SLC6A11: variants seen among roughly 807,000 people sequenced by gnomAD.
The protein encoded by SLC6A11 is solute carrier family 6 member 11.
A neutral mutation model predicts 74.8 loss-of-function variants in SLC6A11; 25 were observed. The observed-to-expected ratio is 0.33, with a 90% CI of 0.24 to 0.47. SLC6A11 has a LOEUF of 0.47. Among genes scored for constraint, SLC6A11 ranks in the 20% least tolerant of loss-of-function variants. SLC6A11 has a pLI of 1.00. For synonymous variants in SLC6A11, 330 were observed against 330.2 expected (o/e 1.00, Z 0.01); for missense variants, 574 against 837.0 (o/e 0.69, Z 3.88).
intron 5 of SLC6A11, 21 bp from the exon 6 acceptor site, chr3:10,874,940 G>T (rs369209464): frequency 1.3e-6 from 2 of 1,588,930 alleles, no homozygotes; most frequent in African/African-American, 2.7e-5. Flanking sequence ...TCTTGATTCT[G>T]TCCTCTCCTC....
chr3:10,896,573 C>T lies in SLC6A11; in HGVS notation c.892-15517C>T, dbSNP rs897916248. Among the ~76,000 whole-genome samples, 6 of 152,304 alleles carry T rather than the reference C, an allele frequency of 3.9e-5. No individual in the cohort carries two copies. In the East Asian group the frequency reaches 9.7e-4, roughly 25 times the overall value. ...ACTTGCTCTTCTTTCTCTCTTGACC[C>T]GTGGAAAACTTCTACCTTACCCAGA... is the stretch of plus-strand genomic sequence containing the variant. On this transcript the variant is annotated intron_variant, in intron 6 of 13. Transcript: ENST00000254488.
At chr3:10,864,046 T>C (rs1400203894) in intron 5 of SLC6A11, among the ~76,000 whole-genome samples, 3 of 152,218 alleles carry the variant, frequency 2.0e-5, no homozygotes, top group East Asian at 3.9e-4. Context: ...ATCAAGGAAA[T>C]GATAAATGTC....
intron 8 of SLC6A11, among the ~76,000 whole-genome samples, chr3:10,923,668 A>T (rs1369715462): frequency 6.6e-6 from 1 of 152,228 alleles, no homozygotes; most frequent in Non-Finnish European, 1.5e-5. Context: ...ACCAATGGAT[A>T]CTAAAATCAG....
At chr3:10,817,672 C>T (rs1192198476) in intron 1 of SLC6A11, among the ~76,000 whole-genome samples, 2 of 152,226 alleles carry the variant, frequency 1.3e-5, no homozygotes, top group Non-Finnish European at 1.5e-5. Flanking sequence ...GCAGGACTTC[C>T]TGTGCGAGCA....
intron 6 of SLC6A11, among the ~76,000 whole-genome samples, chr3:10,888,846 G>C (rs1695074888): frequency 1.3e-5 from 2 of 152,332 alleles, no homozygotes; most frequent in Middle Eastern, 3.4e-3. Context: ...AATATTTGTT[G>C]AGTACCTACT....
At chr3:10,826,827 A>G (rs952828236) in intron 4 of SLC6A11, among the ~76,000 whole-genome samples, 7 of 152,208 alleles carry the variant, frequency 4.6e-5, no homozygotes, top group Non-Finnish European at 1.0e-4. Context: ...TGCAATATCC[A>G]TATTATCCAT....
At chr3:10,894,108 C>T (rs1254160604) in intron 6 of SLC6A11, among the ~76,000 whole-genome samples, 1 of 152,142 alleles carries the variant, frequency 6.6e-6, no homozygotes, top group Non-Finnish European at 1.5e-5. Context: ...AGGTTAGCCA[C>T]CCCTCCTGGT....
At chr3:10,929,489 CTAA>C in intron 10 of SLC6A11, 150 bp downstream of exon 10, 1 of 829,436 alleles carries the variant, frequency 1.2e-6, no homozygotes, top group Non-Finnish European at 1.9e-6. Flanking sequence ...TGGTGAGGAT[CTAA>C]TGGAAGTTCT....
chr3:10,878,703 G>T (rs952637539), intron 6 of SLC6A11, among the ~76,000 whole-genome samples: 1 of 151,594 alleles, frequency 6.6e-6, no homozygotes, highest in Non-Finnish European at 1.5e-5. Context: ...GTGATCCACC[G>T]TGCCTGGCCC....
Position 10,915,280 on chromosome 3 carries a change from G to A in SLC6A11, c.996-3049G>A, listed in dbSNP as rs1180373421. Among the ~76,000 whole-genome samples, 2 of 152,146 alleles carry A rather than the reference G, an allele frequency of 1.3e-5. No individual in the cohort carries two copies. The highest frequency in any genetic ancestry group is 2.9e-5 in the Non-Finnish European group (2 of 68,032). ...TTCATTCCCCACTGAGTGCGTGGAG[G>A]ATGTATGCTGTCAGCCATGGGTCCC... On this transcript the variant is annotated intron_variant, in intron 7 of 13. Coordinates refer to ENST00000254488, the MANE Select transcript of SLC6A11 (RefSeq NM_014229.3). The surrounding 1 kb of genome is among the most constrained non-coding windows in gnomAD (Gnocchi z 4.3).
At position 10,875,114 on chromosome 3, in the gene SLC6A11, A is replaced by G. The variant is rs1694892506; in HGVS notation, c.891+19A>G. ...CCCCCAGGTAAGAGTCGCTTGCTCAATGTGCAGCATCACCCACCACCACTG... is the reference window on the plus strand; with the variant it reads ...CCCCCAGGTAAGAGTCGCTTGCTCAGTGTGCAGCATCACCCACCACCACTG... On this transcript the variant is annotated intron_variant, in intron 6 of 13. Transcript: ENST00000254488. 5.1e-6 allele frequency: 8 copies of G among 1,582,264 alleles called. No homozygotes were observed. The highest frequency in any genetic ancestry group is 6.9e-6 in the Non-Finnish European group (8 of 1,159,104).
At chr3:10,933,057 CAG>C (rs1405741514) in intron 10 of SLC6A11, 92 bp from the exon 11 acceptor site, 1 of 831,468 alleles carries the variant, frequency 1.2e-6, no homozygotes, top group East Asian at 2.4e-5. Flanking sequence ...AGCCACAGAG[CAG>C]AGAGAGGGAC....
chr3:10,928,326 T>A (rs1482889362), intron 9 of SLC6A11, among the ~76,000 whole-genome samples: 2 of 151,846 alleles, frequency 1.3e-5, no homozygotes, highest in Non-Finnish European at 2.9e-5. Flanking sequence ...GAGACAGATA[T>A]AAGCAGGAAA....
intron 6 of SLC6A11, among the ~76,000 whole-genome samples, chr3:10,892,391 A>C (rs1270666238): frequency 6.6e-6 from 1 of 152,110 alleles, no homozygotes; most frequent in Non-Finnish European, 1.5e-5. Flanking sequence ...TGCTGTACCC[A>C]TCTCGGTCCT....
At chr3:10,882,166 C>A (rs1694989104) in intron 6 of SLC6A11, among the ~76,000 whole-genome samples, 1 of 152,286 alleles carries the variant, frequency 6.6e-6, no homozygotes, top group Admixed American at 6.5e-5. Flanking sequence ...AGCCAGGAAA[C>A]CTGAGGGCTG....
chr3:10,820,032 G>T (rs537022700), intron 3 of SLC6A11, among the ~76,000 whole-genome samples, 180 bp downstream of exon 3: 1 of 152,362 alleles, frequency 6.6e-6, no homozygotes, highest in Admixed American at 6.5e-5. Flanking sequence ...GTGAGTTGCA[G>T]CCCTAAAGCC....
chr3:10,841,545 A>G (rs1694437427), intron 4 of SLC6A11, among the ~76,000 whole-genome samples: 1 of 152,262 alleles, frequency 6.6e-6, no homozygotes, highest in African/African-American at 2.4e-5. Context: ...GTCTGGTAGA[A>G]CAAAAGAGCA....
rs1695727731 is a variant in SLC6A11 at position 10,934,177 on chromosome 3, C to A, written c.1575+11C>A. 5.2e-6 allele frequency: 8 copies of A among 1,552,492 alleles called. No individual in the cohort carries two copies. Among genetic ancestry groups the A allele is most frequent in the Non-Finnish European group, 7.1e-6 (8 of 1,123,976 alleles). On this transcript the variant is annotated intron_variant, in intron 12 of 13. Coordinates refer to ENST00000254488, the MANE Select transcript of SLC6A11 (RefSeq NM_014229.3). The stretch of plus-strand genomic sequence containing the variant: ...CCTGGGATCTGCGCGGTAAGGGCCC[C>A]ACCAGGAGCCACCTCCAGCCATCTA...
intron 6 of SLC6A11, among the ~76,000 whole-genome samples, chr3:10,882,278 A>G (rs1252270933): frequency 6.6e-6 from 1 of 152,204 alleles, no homozygotes; most frequent in East Asian, 1.9e-4. Context: ...TTCTCCACTG[A>G]TCAAGAGAGA....
Sources: allele counts gnomAD v4.1 joint callset (sites outside exome capture counted in the v4.1 genomes callset), GRCh38; gene constraint gnomAD v4.1.1; non-coding constraint Gnocchi (gnomAD v3.1); transcripts MANE v1.5; gene names NCBI Gene and HGNC (gene_info 2026-07-23, HGNC 2026-07-21).